The following ADAMTS12 variants were observed in gnomAD, a reference collection of about 807,000 sequenced individuals.
ADAMTS12 encodes A disintegrin and metalloproteinase with thrombospondin motifs 12.
In ADAMTS12, 118 loss-of-function variants were observed where a neutral mutation model predicts 167.8. That is an observed-to-expected ratio of 0.70 (90% CI 0.61 to 0.82). The LOEUF (loss-of-function observed/expected upper bound fraction) is 0.82. Ranked by LOEUF, ADAMTS12 falls within the 40% of genes least tolerant of loss-of-function variation. The pLI is 0.00. For synonymous variants in ADAMTS12, 704 were observed against 716.9 expected (o/e 0.98, Z 0.29); for missense variants, 1,916 against 1,998.8 (o/e 0.96, Z 0.79).
Position 33,717,941 on chromosome 5 carries a change from A to G in ADAMTS12, c.634+33463T>C, listed in dbSNP as rs140139312. On this transcript the variant is annotated intron_variant, in intron 3 of 23. Transcript: ENST00000504830. ...GACCCACACTACTGCCTAGTTTCCC[A>G]TACTTATCTCCACAACAAACTTCTG... is the stretch of plus-strand genomic sequence containing the variant. 7.7e-3 allele frequency among the ~76,000 whole-genome samples: 1,169 copies of G among 152,316 alleles called. 6 individuals are homozygous for G. Among genetic ancestry groups the G allele is most frequent in the Non-Finnish European group, 0.013 (912 of 68,024 alleles).
At chr5:33,542,806 T>C (rs1415895471) in intron 22 of ADAMTS12, among the ~76,000 whole-genome samples, 1 of 152,164 alleles carries the variant, frequency 6.6e-6, no homozygotes, top group African/African-American at 2.4e-5. Flanking sequence ...AGGCGTTCTT[T>C]GAAACCAGTG....
At chr5:33,666,448 C>G (rs1198898673) in intron 5 of ADAMTS12, among the ~76,000 whole-genome samples, 1 of 152,196 alleles carries the variant, frequency 6.6e-6, no homozygotes, top group African/African-American at 2.4e-5. Context: ...TGGCTCCTCT[C>G]GATTCCCTAG....
chr5:33,772,135 G>A (rs1303470237), intron 2 of ADAMTS12, among the ~76,000 whole-genome samples: 1 of 151,604 alleles, frequency 6.6e-6, no homozygotes, highest in Non-Finnish European at 1.5e-5. Context: ...GGGATTACAG[G>A]CATGAGCCAC....
intron 1 of ADAMTS12, among the ~76,000 whole-genome samples, chr5:33,889,784 T>G (rs1342952285): frequency 6.6e-6 from 1 of 152,146 alleles, no homozygotes; most frequent in African/African-American, 2.4e-5. Flanking sequence ...AAACCTCGTC[T>G]GTACTAAAAA....
chr5:33,585,447 A>T (rs1170160571), intron 18 of ADAMTS12, among the ~76,000 whole-genome samples: 3 of 152,164 alleles, frequency 2.0e-5, no homozygotes, highest in African/African-American at 7.2e-5. Context: ...ATGCCTTTGG[A>T]AAGGAAAACT....
intron 6 of ADAMTS12, among the ~76,000 whole-genome samples, chr5:33,659,295 C>T (rs940960499): frequency 6.6e-6 from 1 of 152,148 alleles, no homozygotes; most frequent in Non-Finnish European, 1.5e-5. Flanking sequence ...AAACTCAAAT[C>T]CGCACTCTCA....
intron 2 of ADAMTS12, among the ~76,000 whole-genome samples, chr5:33,795,317 C>T (rs944077396): frequency 6.6e-6 from 1 of 152,076 alleles, no homozygotes; most frequent in Non-Finnish European, 1.5e-5. Flanking sequence ...TATAATACAC[C>T]AACCCAGATA....
In ADAMTS12 at chr5:33,576,211, G is replaced by C; in HGVS notation, c.3815C>G (p.Pro1272Arg). 6.2e-7 allele frequency: 1 copy of C among 1,614,204 alleles called. No homozygotes were observed. The highest frequency in any genetic ancestry group is 8.5e-7 in the Non-Finnish European group (1 of 1,180,036). ...KTANRNHLKL[P>R]NNMNQTKSSE... is the part of the protein sequence containing the mutation. ...ACTTTTTGTTTGGTTCATGTTGTTTGGAAGTTTCAGGTGGTTACGGTTTGC... is the reference window on the plus strand; with the variant it reads ...ACTTTTTGTTTGGTTCATGTTGTTTCGAAGTTTCAGGTGGTTACGGTTTGC... The change falls in exon 19 of 24, where the codon CCA becomes CGA. Residue 1272 changes from proline to arginine, a missense_variant. Physicochemically the swap from Pro to Arg is moderately radical, Grantham distance 103. Transcript: ENST00000504830.
At chr5:33,824,149 A>C (rs11749356) in intron 2 of ADAMTS12, among the ~76,000 whole-genome samples, 1 of 152,176 alleles carries the variant, frequency 6.6e-6, no homozygotes, top group Admixed American at 6.5e-5. Flanking sequence ...CATAACAAGC[A>C]CTAAGATATC....
intron 3 of ADAMTS12, among the ~76,000 whole-genome samples, chr5:33,723,519 A>G (rs1743874372): frequency 6.6e-6 from 1 of 152,202 alleles, no homozygotes; most frequent in African/African-American, 2.4e-5. Flanking sequence ...GTAGGGGAGA[A>G]ACACAAGCAC....
intron 19 of ADAMTS12, among the ~76,000 whole-genome samples, chr5:33,573,219 T>C (rs1429659561): frequency 2.0e-5 from 3 of 151,738 alleles, no homozygotes; most frequent in Non-Finnish European, 4.4e-5. Context: ...AAGCTACCAA[T>C]GACTTTCTTC....
intron 23 of ADAMTS12, among the ~76,000 whole-genome samples, chr5:33,533,862 C>T (rs1744240991): frequency 6.6e-6 from 1 of 152,170 alleles, no homozygotes. Flanking sequence ...TCCTGTTGGG[C>T]TTCCTCTCTC....
intron 3 of ADAMTS12, among the ~76,000 whole-genome samples, chr5:33,735,251 T>C (rs374472063): frequency 6.6e-6 from 1 of 151,986 alleles, no homozygotes; most frequent in East Asian, 1.9e-4. Context: ...CACCCTAGGG[T>C]TTTCGATTCA....
chr5:33,711,160 C>A (rs1473176578), intron 3 of ADAMTS12, among the ~76,000 whole-genome samples: 2 of 152,080 alleles, frequency 1.3e-5, no homozygotes, highest in Non-Finnish European at 2.9e-5. Flanking sequence ...TTACACAGAA[C>A]TCACAACCCA....
chr5:33,585,092 A>T (rs1747278093), intron 18 of ADAMTS12, among the ~76,000 whole-genome samples: 1 of 152,070 alleles, frequency 6.6e-6, no homozygotes, highest in Admixed American at 6.6e-5. Flanking sequence ...CCTCCAAGGA[A>T]AAAGATGGCA....
At chr5:33,752,036 C>G (rs543624762) in intron 2 of ADAMTS12, among the ~76,000 whole-genome samples, 4 of 152,162 alleles carry the variant, frequency 2.6e-5, no homozygotes, top group Non-Finnish European at 5.9e-5. Flanking sequence ...ACTCTTCACT[C>G]AAGAAAACAA....
chr5:33,591,644 C>G (rs932820513), intron 17 of ADAMTS12, among the ~76,000 whole-genome samples: 1 of 152,156 alleles, frequency 6.6e-6, no homozygotes, highest in African/African-American at 2.4e-5. Context: ...TTCTTGTCCC[C>G]TACACACACC....
intron 9 of ADAMTS12, among the ~76,000 whole-genome samples, chr5:33,646,548 T>C (rs1463105570): frequency 6.6e-6 from 1 of 152,182 alleles, no homozygotes; most frequent in African/African-American, 2.4e-5. Context: ...CTCGCCCCCA[T>C]GCTGCTCATG....
At chr5:33,731,839 A>G (rs935032787) in intron 3 of ADAMTS12, among the ~76,000 whole-genome samples, 1 of 152,200 alleles carries the variant, frequency 6.6e-6, no homozygotes, top group African/African-American at 2.4e-5. Context: ...ATTATGGACA[A>G]GACTATAAAT....
Sources: allele counts gnomAD v4.1 joint callset (sites outside exome capture counted in the v4.1 genomes callset), GRCh38; gene constraint gnomAD v4.1.1; transcripts MANE v1.5; gene names NCBI Gene and HGNC (gene_info 2026-07-23, HGNC 2026-07-21).